Variants in TRPM3 observed in about 807,000 individuals in gnomAD.
The protein encoded by TRPM3 is long transient receptor potential channel 3.
A neutral mutation model predicts 181.2 loss-of-function variants in TRPM3; 77 were observed. The observed-to-expected ratio is 0.42, with a 90% CI of 0.35 to 0.51. TRPM3 has a LOEUF of 0.51. Among genes scored for constraint, TRPM3 ranks in the 20% least tolerant of loss-of-function variants. The probability of loss-of-function intolerance (pLI) is 0.01; values close to 1 mark genes in which losing one functional copy is unlikely to be tolerated. For synonymous variants in TRPM3, 745 were observed against 796.4 expected, an observed-to-expected ratio of 0.94 and a Z score of 1.09; for missense variants, 1,759 against 2,196.7, an observed-to-expected ratio of 0.80 and a Z score of 3.98.
intron 7 of TRPM3, among the ~76,000 whole-genome samples, chr9:70,781,345 A>AAAAAAAAAAAAAAAAAC (rs2082413428): frequency 6.8e-6 from 1 of 146,402 alleles, no homozygotes; most frequent in Non-Finnish European, 1.5e-5. Flanking sequence ...AAAAAAAAAA[A>AAAAAAAAAAAAAAAAAC]AAAAGAAAAC....
At chr9:71,160,800 T>C (rs2076240321) in intron 1 of TRPM3, among the ~76,000 whole-genome samples, 1 of 152,174 alleles carries the variant, frequency 6.6e-6, no homozygotes, top group Admixed American at 6.6e-5. Context: ...TTTATTTTCT[T>C]TTTAGAAACT....
chr9:70,827,774 A>C, intron 6 of TRPM3, 73 bp downstream of exon 6: 7 of 1,523,822 alleles, frequency 4.6e-6, no homozygotes, highest in Non-Finnish European at 6.3e-6. Flanking sequence ...ACATTGCTGC[A>C]TGGTGTACTT....
chr9:71,193,458 T>C (rs1020211341), intron 1 of TRPM3, among the ~76,000 whole-genome samples: 1 of 151,798 alleles, frequency 6.6e-6, no homozygotes, highest in Non-Finnish European at 1.5e-5. Flanking sequence ...TCCCCAAATC[T>C]CCCATTTCTC....
chr9:70,598,536 G>C lies in TRPM3; in HGVS notation c.2931C>G (p.Phe977Leu). 6.2e-7 allele frequency: 1 copy of C among 1,614,244 alleles called. No homozygotes were observed. The highest frequency in any genetic ancestry group is 8.5e-7 in the Non-Finnish European group (1 of 1,180,048). Residue 977 changes from phenylalanine (F) to leucine (L), a missense_variant, in exon 21 of 26, where the codon TTC (phenylalanine) becomes TTG (leucine). Phe to Leu is a conservative substitution (Grantham distance 22). This residue lies in a region of TRPM3 where 100 missense variants were observed against 123.0 expected (regional missense o/e 0.81). Coordinates refer to ENST00000677713, the MANE Select transcript of TRPM3 (RefSeq NM_001366145.2). ...AGTAGATGACCCTCCCGTCACTCCT[G>C]AAGGGCTGGTCTTGGAGACGAAGGA... ...GMILRLQDQPFRSDGRVIYCV... is the reference protein window; with the variant it reads ...GMILRLQDQPLRSDGRVIYCV...
At chr9:71,238,598 A>C (rs949417309) in intron 1 of TRPM3, among the ~76,000 whole-genome samples, 3 of 152,242 alleles carry the variant, frequency 2.0e-5, no homozygotes, top group African/African-American at 7.2e-5. Flanking sequence ...AAATATTATC[A>C]ATATAAAATT....
intron 1 of TRPM3, chr9:70,917,456 G>A: frequency 2.6e-6 from 2 of 761,184 alleles, no homozygotes; most frequent in South Asian, 2.9e-5. Flanking sequence ...GTGGAACAAG[G>A]CCACCCGCAC....
chr9:71,103,187 TTGAAAC>T (rs1048353751), intron 1 of TRPM3, among the ~76,000 whole-genome samples: 2 of 152,216 alleles, frequency 1.3e-5, no homozygotes, highest in African/African-American at 4.8e-5. Flanking sequence ...ATTGCAGTGT[TTGAAAC>T]TGTATCAAAC....
intron 1 of TRPM3, among the ~76,000 whole-genome samples, chr9:71,065,711 C>T (rs1006232578): frequency 6.6e-6 from 1 of 152,112 alleles, no homozygotes; most frequent in Non-Finnish European, 1.5e-5. Context: ...GGAAAGCAAA[C>T]AAAATTTGTA....
intron 1 of TRPM3, among the ~76,000 whole-genome samples, chr9:70,956,990 T>A (rs2097082476): frequency 6.8e-6 from 1 of 146,778 alleles, no homozygotes; most frequent in Non-Finnish European, 1.5e-5. Flanking sequence ...ATACCAAGTC[T>A]CACTCTGTCA....
At chr9:70,753,110 A>G (rs752902792) in intron 8 of TRPM3, among the ~76,000 whole-genome samples, 2 of 152,172 alleles carry the variant, frequency 1.3e-5, no homozygotes, top group African/African-American at 2.4e-5. Context: ...CTGTCTCAAA[A>G]AAAAGAAAAG....
At chr9:70,637,122 C>T (rs1308927494) in intron 11 of TRPM3, among the ~76,000 whole-genome samples, 5 of 152,168 alleles carry the variant, frequency 3.3e-5, no homozygotes, top group African/African-American at 7.2e-5. Context: ...GTGATTTAGC[C>T]TACAGACTCT....
intron 25 of TRPM3, among the ~76,000 whole-genome samples, chr9:70,545,271 A>G (rs1319401788): frequency 1.3e-5 from 2 of 152,184 alleles, no homozygotes; most frequent in South Asian, 2.1e-4. Context: ...GTAGGTGCTC[A>G]AAAAAAGTAA....
At chr9:71,055,169 G>A (rs548935018) in intron 1 of TRPM3, among the ~76,000 whole-genome samples, 1 of 152,154 alleles carries the variant, frequency 6.6e-6, no homozygotes, top group Admixed American at 6.6e-5. Flanking sequence ...ATTTCAAGAG[G>A]TGGTTCGGAC....
At chr9:71,370,215 A>G (rs2092466248) in intron 1 of TRPM3, among the ~76,000 whole-genome samples, 1 of 152,312 alleles carries the variant, frequency 6.6e-6, no homozygotes, top group South Asian at 2.1e-4. Context: ...ATAACCCAAC[A>G]AAGGCCTGTA....
intron 1 of TRPM3, among the ~76,000 whole-genome samples, chr9:71,425,738 C>G (rs1280535331): frequency 6.6e-6 from 1 of 152,116 alleles, no homozygotes; most frequent in African/African-American, 2.4e-5. Flanking sequence ...CAATGGTTCC[C>G]ATCATGCATA....
chr9:70,568,674 C>G (rs971129971), intron 22 of TRPM3, among the ~76,000 whole-genome samples: 23 of 152,200 alleles, frequency 1.5e-4, no homozygotes, highest in African/African-American at 5.5e-4. Context: ...CACAATGACA[C>G]ACAGCTAGCA....
At chr9:71,344,204 C>T (rs1336441325) in intron 1 of TRPM3, among the ~76,000 whole-genome samples, 3 of 152,086 alleles carry the variant, frequency 2.0e-5, no homozygotes, top group East Asian at 1.9e-4. Flanking sequence ...AATCCAAGCA[C>T]TTTGGGAGGC....
At chr9:70,694,889 A>G (rs2069817035) in intron 8 of TRPM3, among the ~76,000 whole-genome samples, 1 of 152,170 alleles carries the variant, frequency 6.6e-6, no homozygotes, top group Non-Finnish European at 1.5e-5. Flanking sequence ...CTACACCACA[A>G]ATACCACACT....
intron 18 of TRPM3, among the ~76,000 whole-genome samples, chr9:70,614,169 A>C (rs2062404399): frequency 6.6e-6 from 1 of 151,968 alleles, no homozygotes; most frequent in Admixed American, 6.6e-5. Flanking sequence ...GAGCAATTTA[A>C]CCTCTATGAC....
Sources: allele counts gnomAD v4.1 joint callset (sites outside exome capture counted in the v4.1 genomes callset), GRCh38; gene constraint gnomAD v4.1.1; regional missense constraint gnomAD v4.1.1; transcripts MANE v1.5; gene names NCBI Gene and HGNC (gene_info 2026-07-23, HGNC 2026-07-21).